Variants in ACAD11 observed in about 807,000 individuals in gnomAD.
ACAD11 encodes acyl-Coenzyme A dehydrogenase family, member 11.
In ACAD11, 83 loss-of-function variants were observed where a neutral mutation model predicts 102.2. The ratio of observed to expected loss-of-function variants is 0.81; its 90% confidence interval spans 0.68 to 0.97. The LOEUF is 0.97. ACAD11 is among the 50% of genes least tolerant of loss of function. ACAD11 has a pLI of 0.00. For missense variants in ACAD11, 901 were observed against 951.7 expected (o/e 0.95, Z 0.70); for synonymous variants, 324 against 319.8 (o/e 1.01, Z -0.14).
Position 132,639,666 on chromosome 3 carries a change from T to C in ACAD11, c.538-10A>G, listed in dbSNP as rs374225380. On this transcript the variant is annotated splice_polypyrimidine_tract_variant and intron_variant, in intron 4 of 19. Transcript: ENST00000264990. ...TTGTCCAGGTTGATACCTAAAGACA[T>C]ATAAATAAGAAAAATGGTAAAGCTG... The C allele has an allele frequency of 8.8e-6, 14 of 1,597,026 alleles. No individual in the cohort carries two copies. The highest frequency in any genetic ancestry group is 1.2e-5 in the Non-Finnish European group (14 of 1,175,138).
At chr3:132,563,395 G>T (rs1386384091) in intron 17 of ACAD11, among the ~76,000 whole-genome samples, 1 of 152,128 alleles carries the variant, frequency 6.6e-6, no homozygotes, top group Non-Finnish European at 1.5e-5. Context: ...TCAATTTGAG[G>T]ATGGTTAACA....
intron 14 of ACAD11, 136 bp from the exon 15 acceptor site, chr3:132,579,017 TA>T: frequency 6.6e-7 from 1 of 1,523,084 alleles, no homozygotes; most frequent in Non-Finnish European, 8.8e-7. Context: ...GGGAACTGTG[TA>T]AAAGACGTAC....
At chr3:132,563,676 G>A (rs1937129549) in intron 17 of ACAD11, among the ~76,000 whole-genome samples, 1 of 152,084 alleles carries the variant, frequency 6.6e-6, no homozygotes, top group Non-Finnish European at 1.5e-5. Flanking sequence ...GTTTCGTTTT[G>A]TTTGATACGT....
intron 8 of ACAD11, 136 bp downstream of exon 8, chr3:132,628,204 C>T: frequency 2.1e-6 from 1 of 472,762 alleles, no homozygotes; most frequent in Non-Finnish European, 3.7e-6. Flanking sequence ...AGAGATTTAC[C>T]AAAAATCTAT....
chr3:132,603,695 TC>T (rs981613328), intron 12 of ACAD11, among the ~76,000 whole-genome samples: 26 of 152,304 alleles, frequency 1.7e-4, no homozygotes, highest in Admixed American at 6.5e-5. Context: ...CAAGACAGAT[TC>T]CCCCCATATA....
chr3:132,612,532 A>G (rs995903872), intron 11 of ACAD11, among the ~76,000 whole-genome samples: 1 of 152,060 alleles, frequency 6.6e-6, no homozygotes, highest in African/African-American at 2.4e-5. Context: ...TTTACAAGAA[A>G]AAAACAAACA....
chr3:132,612,265 A>C (rs1398292778), intron 11 of ACAD11, among the ~76,000 whole-genome samples: 1 of 152,070 alleles, frequency 6.6e-6, no homozygotes, highest in Non-Finnish European at 1.5e-5. Flanking sequence ...CTAAAACCAT[A>C]AAAACCCTAG....
intron 16 of ACAD11, 73 bp from the exon 17 acceptor site, chr3:132,575,999 C>A: frequency 3.2e-6 from 5 of 1,548,766 alleles, no homozygotes; most frequent in Non-Finnish European, 4.4e-6. Flanking sequence ...TTATACAAAT[C>A]CTGGGAAAGA....
rs910300516 is a variant in ACAD11, at chr3:132,613,367, T to C, written c.1414+5267A>G. Among the ~76,000 whole-genome samples the C allele has an allele frequency of 5.9e-5, 9 of 151,492 alleles. 1 individual carries two copies. In the South Asian group the frequency reaches 1.9e-3, roughly 32 times the overall value. On this transcript the variant is annotated intron_variant, in intron 11 of 19. Transcript: ENST00000264990. ...GTTGTAGACATGTACCCTAAAACTT[T>C]AAGTATAATAATAATAAAAATAACT...
Position 132,558,307 on chromosome 3 carries a change from A to G in ACAD11, c.*664T>C, listed in dbSNP as rs1478665741. On this transcript the variant is annotated 3_prime_UTR_variant, in exon 20 of 20. Transcript: ENST00000264990. The stretch of plus-strand genomic sequence containing the variant: ...AAGGTGCTTCTACGTGGCTTCAGCA[A>G]TTCTCACAACAAACCCTCAGTGGGT... The G allele has an allele frequency of 3.9e-5, 6 of 152,156 alleles. No homozygotes were observed. Among genetic ancestry groups the G allele is most frequent in the African/African-American group, 9.7e-5 (4 of 41,446 alleles). 9.4% of individuals were successfully genotyped at this position (152,156 alleles called of 1,614,324 possible). A position where few individuals can be genotyped will look rare whatever the true frequency, so the allele number is the denominator to read the frequency against.
intron 13 of ACAD11, among the ~76,000 whole-genome samples, chr3:132,585,581 C>A (rs996470743): frequency 3.3e-4 from 50 of 151,948 alleles, no homozygotes; most frequent in African/African-American, 1.2e-3. Context: ...AAATTTTTGC[C>A]ATCTACTCAT....
chr3:132,626,866 T>C, intron 8 of ACAD11, 49 bp from the exon 9 acceptor site: 5 of 1,569,208 alleles, frequency 3.2e-6, no homozygotes, highest in Non-Finnish European at 4.3e-6. Flanking sequence ...TGTCCAAAGA[T>C]CATTATTACA....
intron 11 of ACAD11, among the ~76,000 whole-genome samples, chr3:132,616,283 A>C (rs1939406847): frequency 6.6e-6 from 1 of 152,202 alleles, no homozygotes; most frequent in African/African-American, 2.4e-5. Context: ...GGACTCATGA[A>C]ATTTTAATGC....
chr3:132,604,067 G>T (rs1237884608), intron 12 of ACAD11, among the ~76,000 whole-genome samples: 1 of 152,022 alleles, frequency 6.6e-6, no homozygotes, highest in Admixed American at 6.6e-5. Context: ...CCTACTGTAG[G>T]TATTCAATAA....
At chr3:132,608,726 A>C (rs1441927142) in intron 11 of ACAD11, among the ~76,000 whole-genome samples, 1 of 152,210 alleles carries the variant, frequency 6.6e-6, no homozygotes, top group Non-Finnish European at 1.5e-5. Flanking sequence ...AATATCAGAC[A>C]GGTCGACGAG....
intron 9 of ACAD11, among the ~76,000 whole-genome samples, chr3:132,619,807 C>T (rs187694700): frequency 5.3e-5 from 8 of 152,168 alleles, no homozygotes; most frequent in Non-Finnish European, 7.4e-5. Flanking sequence ...ACTAGATAGT[C>T]ATAGAAACTG....
At chr3:132,628,227 C>T in intron 8 of ACAD11, 113 bp downstream of exon 8, 1 of 553,570 alleles carries the variant, frequency 1.8e-6, no homozygotes, top group Non-Finnish European at 3.0e-6. Flanking sequence ...TGATTGGCAG[C>T]AGCAATCCTG....
chr3:132,637,170 T>C (rs1246701277), intron 5 of ACAD11, among the ~76,000 whole-genome samples: 1 of 151,978 alleles, frequency 6.6e-6, no homozygotes, highest in Non-Finnish European at 1.5e-5. Flanking sequence ...GTAGGGTTAT[T>C]AGAAAAAATA....
intron 13 of ACAD11, among the ~76,000 whole-genome samples, chr3:132,592,524 A>G (rs1938121485): frequency 6.6e-6 from 1 of 152,320 alleles, no homozygotes; most frequent in African/African-American, 2.4e-5. Context: ...TTAATTTCTT[A>G]GGCTTTTACC....
Sources: gnomAD v4.1 joint callset for allele counts (sites outside exome capture counted in the v4.1 genomes callset) on GRCh38, gnomAD v4.1.1 for gene constraint, MANE v1.5 for transcripts, NCBI Gene and HGNC (gene_info 2026-07-23, HGNC 2026-07-21) for gene names.